Variants in STK3 observed in about 807,000 individuals in gnomAD.
STK3 encodes serine/threonine kinase 3.
STK3 carries 41 observed loss-of-function variants against 58.0 expected under a neutral mutation model. The ratio of observed to expected loss-of-function variants is 0.71; its 90% CI spans 0.55 to 0.92. The LOEUF is 0.92. Ranked by LOEUF, STK3 falls within the 40% of genes least tolerant of loss-of-function variation. The probability of loss-of-function intolerance (pLI) is 0.00; values close to 1 mark genes in which losing one functional copy is unlikely to be tolerated. For missense variants in STK3, 479 were observed against 602.7 expected, an observed-to-expected ratio of 0.79 and a Z score of 2.15; for synonymous variants, 170 against 191.0, an observed-to-expected ratio of 0.89 and a Z score of 0.91.
chr8:98,776,958 G>C (rs913805055), intron 1 of STK3, among the ~76,000 whole-genome samples: 3 of 151,892 alleles, frequency 2.0e-5, no homozygotes, highest in African/African-American at 7.3e-5. Context: ...GCTGAGGCAG[G>C]AGAATGGCGT....
intron 4 of STK3, among the ~76,000 whole-genome samples, chr8:98,713,280 A>G (rs1826678913): frequency 6.6e-6 from 1 of 152,232 alleles, no homozygotes; most frequent in East Asian, 1.9e-4. Flanking sequence ...GAAATAACTA[A>G]GATCAGAGCA....
chr8:98,813,046 A>AG (rs1254322515), intron 1 of STK3, among the ~76,000 whole-genome samples: 5 of 151,954 alleles, frequency 3.3e-5, no homozygotes, highest in Admixed American at 6.6e-5. Flanking sequence ...AAAAAAAAAA[A>AG]AAAGAAAGTG....
At chr8:98,751,202 G>A (rs1320746296) in intron 3 of STK3, among the ~76,000 whole-genome samples, 5 of 152,168 alleles carry the variant, frequency 3.3e-5, no homozygotes, top group Admixed American at 1.3e-4. Flanking sequence ...ATTAAGACAA[G>A]GATGGACTCT....
chr8:98,633,984 T>A (rs2130538441), intron 6 of STK3: 1 of 178,164 alleles, frequency 5.6e-6, no homozygotes, highest in African/African-American at 2.4e-5. Flanking sequence ...TTAATCTCGA[T>A]TCCAAATAAA....
At chr8:98,777,242 A>G (rs561884755) in intron 1 of STK3, among the ~76,000 whole-genome samples, 2 of 152,166 alleles carry the variant, frequency 1.3e-5, no homozygotes, top group African/African-American at 4.8e-5. Flanking sequence ...AAATAGCAGA[A>G]ATGGGCTGGG....
At chr8:98,813,583 T>A (rs1026134644) in intron 1 of STK3, among the ~76,000 whole-genome samples, 2 of 152,188 alleles carry the variant, frequency 1.3e-5, no homozygotes, top group African/African-American at 4.8e-5. Context: ...AATTATAATT[T>A]TCTGGCAAGG....
intron 7 of STK3, among the ~76,000 whole-genome samples, chr8:98,585,027 T>G (rs1289761980): frequency 2.0e-5 from 3 of 150,390 alleles, no homozygotes; most frequent in African/African-American, 7.3e-5. Context: ...TGCGAAAATT[T>G]TCTCCCATTC....
chr8:98,717,820 A>G (rs940148613), intron 4 of STK3, among the ~76,000 whole-genome samples: 5 of 152,224 alleles, frequency 3.3e-5, no homozygotes, highest in Non-Finnish European at 5.9e-5. Context: ...AGACAAATGA[A>G]TAAGTAAAAT....
chr8:98,610,195 A>G (rs1362698398), intron 6 of STK3, among the ~76,000 whole-genome samples: 1 of 13,786 alleles, frequency 7.3e-5, no homozygotes, highest in East Asian at 1.4e-3. Context: ...TTCAAAACAG[A>G]AAAAAAAAAA....
intron 4 of STK3, among the ~76,000 whole-genome samples, chr8:98,736,373 A>C (rs939893337): frequency 1.3e-4 from 20 of 152,152 alleles, no homozygotes; most frequent in Non-Finnish European, 2.1e-4. Context: ...CCAAAATATG[A>C]AGCCAGTTCT....
At chr8:98,706,785 A>G (rs1421261683) in intron 5 of STK3, among the ~76,000 whole-genome samples, 151 bp from the exon 6 acceptor site, 1 of 152,210 alleles carries the variant, frequency 6.6e-6, no homozygotes, top group Non-Finnish European at 1.5e-5. Flanking sequence ...TAGTTATGAC[A>G]TACTTAGGAA....
chr8:98,703,262 A>C (rs1325415461), intron 6 of STK3, among the ~76,000 whole-genome samples: 1 of 152,152 alleles, frequency 6.6e-6, no homozygotes, highest in African/African-American at 2.4e-5. Flanking sequence ...TCTAGGCAAA[A>C]ACACAGAACA....
intron 10 of STK3, among the ~76,000 whole-genome samples, chr8:98,522,805 C>T (rs1825463694): frequency 6.6e-6 from 1 of 152,068 alleles, no homozygotes; most frequent in African/African-American, 2.4e-5. Flanking sequence ...AGCATTTGTC[C>T]TTTTGTGACC....
chr8:98,688,630 C>A (rs1824181822), intron 6 of STK3, among the ~76,000 whole-genome samples: 2 of 151,798 alleles, frequency 1.3e-5, no homozygotes, highest in African/African-American at 2.4e-5. Context: ...CTCTCAAAAC[C>A]ACATAAATAC....
intron 10 of STK3, among the ~76,000 whole-genome samples, chr8:98,469,335 C>T (rs562959827): frequency 6.6e-6 from 1 of 151,354 alleles, no homozygotes; most frequent in Non-Finnish European, 1.5e-5. Flanking sequence ...TAATAGAGAA[C>T]ATGGCATCAA....
At chr8:98,662,575 C>T (rs1333421664) in intron 6 of STK3, among the ~76,000 whole-genome samples, 1 of 151,866 alleles carries the variant, frequency 6.6e-6, no homozygotes, top group Non-Finnish European at 1.5e-5. Context: ...GCTTAAATAA[C>T]ACTCTATCTA....
At chr8:98,670,551 G>A (rs1275521696) in intron 6 of STK3, among the ~76,000 whole-genome samples, 3 of 152,118 alleles carry the variant, frequency 2.0e-5, no homozygotes, top group Non-Finnish European at 4.4e-5. Flanking sequence ...TAGTCAGACA[G>A]GGTGAAACCC....
intron 6 of STK3, among the ~76,000 whole-genome samples, chr8:98,596,858 G>A (rs1815870373): frequency 6.6e-6 from 1 of 151,686 alleles, no homozygotes. Flanking sequence ...TTTAATCTGA[G>A]TATGTTTATG....
At chr8:98,350,135 C>G in the STK3 span, among the ~76,000 whole-genome samples, 4 of 152,188 alleles carry the variant, frequency 2.6e-5, no homozygotes, top group African/African-American at 9.6e-5. Context: ...CCCAAGTCAC[C>G]TCTTGAATGC....
Sources: allele counts gnomAD v4.1 joint callset (sites outside exome capture counted in the v4.1 genomes callset), GRCh38; gene constraint gnomAD v4.1.1; transcripts MANE v1.5; gene names NCBI Gene and HGNC (gene_info 2026-07-23, HGNC 2026-07-21).